MAGI1: variants seen among roughly 807,000 people sequenced by gnomAD.
The protein encoded by MAGI1 is membrane associated guanylate kinase, WW and PDZ domain containing 1.
Under a neutral mutation model 139.9 loss-of-function variants are expected in MAGI1, and 58 were observed. That is an observed-to-expected ratio of 0.41 (90% CI 0.34 to 0.52). The LOEUF (loss-of-function observed/expected upper bound fraction) is 0.52. MAGI1 is among the 20% of genes least tolerant of loss of function. MAGI1 has a pLI of 0.12. For missense variants in MAGI1, 1,874 were observed against 1,901.6 expected (o/e 0.99, Z 0.27); for synonymous variants, 812 against 737.9 (o/e 1.10, Z -1.63).
At chr3:65,628,261 TC>T (rs1329488514) in intron 1 of MAGI1, among the ~76,000 whole-genome samples, 1 of 152,032 alleles carries the variant, frequency 6.6e-6, no homozygotes, top group African/African-American at 2.4e-5. Context: ...ATTTTTCAGG[TC>T]CCCAAGACCA....
chr3:65,564,285 A>G (rs2080510782), intron 2 of MAGI1, among the ~76,000 whole-genome samples: 1 of 151,718 alleles, frequency 6.6e-6, no homozygotes, highest in Non-Finnish European at 1.5e-5. Flanking sequence ...GAACAAATCT[A>G]TTTTCAAGAT....
chr3:65,620,774 C>T (rs1469460619), intron 2 of MAGI1, among the ~76,000 whole-genome samples: 1 of 152,172 alleles, frequency 6.6e-6, no homozygotes, highest in Non-Finnish European at 1.5e-5. Flanking sequence ...AACCTTGGGG[C>T]CCTGTCCCAA....
chr3:65,821,781 C>G (rs2041964431), intron 1 of MAGI1, among the ~76,000 whole-genome samples: 1 of 152,142 alleles, frequency 6.6e-6, no homozygotes, highest in Non-Finnish European at 1.5e-5. Flanking sequence ...TTCACATATT[C>G]AGATGTGGGC....
chr3:65,536,694 C>A (rs550181178), intron 2 of MAGI1, among the ~76,000 whole-genome samples: 4 of 152,210 alleles, frequency 2.6e-5, no homozygotes, highest in Admixed American at 2.6e-4. Context: ...GCCATATGAT[C>A]CTGGTTAATC....
At position 65,470,482 on chromosome 3, in the gene MAGI1, C is replaced by T. The variant is rs149211419; in HGVS notation, c.760G>A (p.Asp254Asn). The T allele has an allele frequency of 1.9e-5, 30 of 1,602,850 alleles. No homozygotes were observed. The highest frequency in any genetic ancestry group is 1.7e-4 in the Middle Eastern group (1 of 6,036). The change falls in exon 5 of 23, where the codon GAT becomes AAT. Residue 254 changes from aspartate (D) to asparagine (N), a missense_variant and splice_region_variant. By Grantham distance (23) the Asp-to-Asn change is conservative. Coordinates refer to ENST00000402939, the MANE Select transcript of MAGI1 (RefSeq NM_001033057.2). ...GTGTGCTCCTCTTGTTCACCAGAATCGGCTGCTTAATCATGTGAAGAGGTG... is the reference window on the plus strand; with the variant it reads ...GTGTGCTCCTCTTGTTCACCAGAATTGGCTGCTTAATCATGTGAAGAGGTG... ...VPEMNSSFTA[D>N]SGEQEEHTLQ... is the part of the protein sequence containing the mutation.
rs187279055 is a variant in MAGI1, at chr3:65,389,949, C to G, written c.2416+1193G>C. ...AAGACTCCAGGCTCACCTCTGCCCC[C>G]CAACTGCTGAGCATCATTCAGTGGA... On this transcript the variant is annotated intron_variant, in intron 14 of 22. Coordinates refer to ENST00000402939, the MANE Select transcript of MAGI1 (RefSeq NM_001033057.2). Among the ~76,000 whole-genome samples the G allele has an allele frequency of 1.5e-3, 236 of 152,340 alleles. 1 individual carries two copies. Among genetic ancestry groups the G allele is most frequent in the Admixed American group, 3.2e-3 (49 of 15,300 alleles).
intron 5 of MAGI1, among the ~76,000 whole-genome samples, chr3:65,455,394 T>C (rs967640132): frequency 6.6e-6 from 1 of 152,132 alleles, no homozygotes; most frequent in African/African-American, 2.4e-5. Flanking sequence ...TGTCCTCTAT[T>C]TCTATAATTT....
intron 1 of MAGI1, among the ~76,000 whole-genome samples, chr3:65,869,375 TGTTGTTGTTGTTGTTG>T (rs1406597958): frequency 3.9e-5 from 5 of 127,786 alleles, no homozygotes; most frequent in African/African-American, 1.7e-4. Context: ...TTTTTGTTGT[TGTTGTTGTTGTTGTTG>T]TTGTTGTTGT....
intron 1 of MAGI1, among the ~76,000 whole-genome samples, chr3:65,784,553 A>C (rs1347511496): frequency 6.6e-6 from 1 of 152,064 alleles, no homozygotes; most frequent in African/African-American, 2.4e-5. Flanking sequence ...AAAATACAAA[A>C]AATTAGCTGG....
intron 1 of MAGI1, among the ~76,000 whole-genome samples, chr3:65,670,291 T>C (rs2086774809): frequency 6.6e-6 from 1 of 151,996 alleles, no homozygotes; most frequent in African/African-American, 2.4e-5. Flanking sequence ...TCCTCATATA[T>C]ATGCATATAC....
intron 1 of MAGI1, among the ~76,000 whole-genome samples, chr3:65,705,093 G>C (rs534511999): frequency 8.6e-5 from 13 of 152,024 alleles, no homozygotes; most frequent in African/African-American, 2.9e-4. Flanking sequence ...GAAATGCAGA[G>C]AATTTCAGAA....
At chr3:66,027,849 G>A (rs1455987855) in intron 1 of MAGI1, among the ~76,000 whole-genome samples, 8 of 152,014 alleles carry the variant, frequency 5.3e-5, no homozygotes, top group Non-Finnish European at 8.8e-5. Flanking sequence ...GCAGGGTCCC[G>A]GGCCTCTACT....
At chr3:65,818,499 A>G (rs1472682344) in intron 1 of MAGI1, among the ~76,000 whole-genome samples, 1 of 152,210 alleles carries the variant, frequency 6.6e-6, no homozygotes, top group Non-Finnish European at 1.5e-5. Flanking sequence ...CAGAAGATGC[A>G]GCCCAAACAG....
intron 2 of MAGI1, among the ~76,000 whole-genome samples, chr3:65,549,717 T>C (rs6774348): frequency 0.029 from 4,351 of 152,034 alleles, 191 homozygotes; most frequent in African/African-American, 0.099. Flanking sequence ...GAGACAAATA[T>C]GGCTTTCAGG....
intron 1 of MAGI1, among the ~76,000 whole-genome samples, chr3:65,742,337 T>A (rs2035344752): frequency 6.6e-6 from 1 of 152,198 alleles, no homozygotes; most frequent in East Asian, 1.9e-4. Context: ...AATGAATGCA[T>A]CTTTTTCCCC....
intron 2 of MAGI1, among the ~76,000 whole-genome samples, chr3:65,558,055 T>C (rs1005169975): frequency 2.0e-5 from 3 of 152,148 alleles, no homozygotes; most frequent in Non-Finnish European, 4.4e-5. Context: ...GACTGCAGTC[T>C]CTCTACTGTC....
intron 1 of MAGI1, among the ~76,000 whole-genome samples, chr3:65,957,926 G>C (rs753190037): frequency 6.6e-6 from 1 of 151,846 alleles, no homozygotes; most frequent in Non-Finnish European, 1.5e-5. Flanking sequence ...GCAGCACCAC[G>C]CGCAGCTAAT....
chr3:65,665,061 GAA>G, intron 1 of MAGI1, among the ~76,000 whole-genome samples: 1 of 152,178 alleles, frequency 6.6e-6, no homozygotes, highest in Non-Finnish European at 1.5e-5. Context: ...TGCTGAGGCA[GAA>G]GAGCCTTTGA....
At chr3:65,565,251 T>A (rs1576335711) in intron 2 of MAGI1, among the ~76,000 whole-genome samples, 2 of 152,206 alleles carry the variant, frequency 1.3e-5, no homozygotes, top group South Asian at 4.1e-4. Context: ...TTATGTCAGG[T>A]GCAGGCTAAC....
Sources: gnomAD v4.1 joint callset for allele counts (sites outside exome capture counted in the v4.1 genomes callset) on GRCh38, gnomAD v4.1.1 for gene constraint, MANE v1.5 for transcripts, NCBI Gene and HGNC (gene_info 2026-07-23, HGNC 2026-07-21) for gene names.